The following CD109 variants were observed in gnomAD, a reference collection of about 807,000 sequenced individuals.
CD109 encodes CD109 molecule.
Under a neutral mutation model 165.8 loss-of-function variants are expected in CD109, and 149 were observed. That is an observed-to-expected ratio of 0.90 (90% CI 0.79 to 1.03). CD109 has a LOEUF of 1.03. Among genes scored for constraint, CD109 ranks in the 50% least tolerant of loss-of-function variants. The pLI is 0.00. For missense variants in CD109, 1,712 were observed against 1,677.8 expected (o/e 1.02, Z -0.36); for synonymous variants, 585 against 592.1 (o/e 0.99, Z 0.18).
intron 6 of CD109, among the ~76,000 whole-genome samples, chr6:73,757,780 A>G (rs1044015142): frequency 2.0e-5 from 3 of 152,256 alleles, no homozygotes; most frequent in Non-Finnish European, 4.4e-5. Context: ...AAATATAAAA[A>G]TTAATTTCAC....
At chr6:73,759,142 G>T in intron 7 of CD109, 114 bp downstream of exon 7, 1 of 662,954 alleles carries the variant, frequency 1.5e-6, no homozygotes, top group Non-Finnish European at 2.7e-6. Flanking sequence ...AAATACCTTA[G>T]TGGACAGTAA....
intron 2 of CD109, among the ~76,000 whole-genome samples, chr6:73,698,531 T>G (rs982025253): frequency 4.6e-5 from 7 of 152,088 alleles, no homozygotes; most frequent in African/African-American, 1.7e-4. Flanking sequence ...AAAAAAAAAT[T>G]TAAGGCACGT....
rs1350123008 is a variant in CD109, at chr6:73,815,092, C to T, written c.3880C>T (p.Leu1294Phe). 7.6e-6 allele frequency: 12 copies of T among 1,587,076 alleles called. No individual in the cohort carries two copies. The highest frequency in any genetic ancestry group is 1.4e-5 in the African/African-American group (1 of 72,798). Residue 1294 changes from leucine (L) to phenylalanine (F), a missense_variant, in exon 30 of 33, where the codon CTC becomes TTC. Leu to Phe is a conservative substitution (Grantham distance 22). Coordinates refer to ENST00000287097, the MANE Select transcript of CD109 (RefSeq NM_133493.5). ...TGCTGTAAAAGAAAATAAAGATGAT[C>T]TCAATCATGTGGATTTGAATGTGTG... ...DVAVKENKDD[L>F]NHVDLNVCTS... is the part of the protein sequence containing the mutation.
At chr6:73,709,958 A>G (rs1312449762) in intron 2 of CD109, among the ~76,000 whole-genome samples, 5 of 152,220 alleles carry the variant, frequency 3.3e-5, no homozygotes, top group African/African-American at 1.2e-4. Flanking sequence ...AATAAGAGCT[A>G]TTCATGACAA....
chr6:73,772,228 G>A (rs542450654), intron 15 of CD109, among the ~76,000 whole-genome samples: 4 of 152,144 alleles, frequency 2.6e-5, no homozygotes, highest in South Asian at 2.1e-4. Flanking sequence ...CCATTGTGCC[G>A]GGCATGGTGG....
intron 14 of CD109, among the ~76,000 whole-genome samples, chr6:73,768,844 G>A (rs1773940797): frequency 6.6e-6 from 1 of 152,150 alleles, no homozygotes; most frequent in African/African-American, 2.4e-5. Context: ...ATGTATATAA[G>A]AATGAGCCAT....
intron 29 of CD109, among the ~76,000 whole-genome samples, 189 bp from the exon 30 acceptor site, chr6:73,814,792 T>C (rs1775878332): frequency 6.6e-6 from 1 of 152,182 alleles, no homozygotes; most frequent in Non-Finnish European, 1.5e-5. Context: ...AACATAATTT[T>C]ATAAATTTTA....
Position 73,771,431 on chromosome 6 carries a change from A to G in CD109, c.1677A>G (p.Ile559Met), listed in dbSNP as rs1774029682. The G allele has an allele frequency of 1.3e-6, 2 of 1,599,316 alleles. No individual in the cohort carries two copies. Among genetic ancestry groups the G allele is most frequent in the South Asian group, 1.1e-5 (1 of 87,086 alleles). The change falls in exon 15 of 33, where the codon ATA becomes ATG. Residue 559 changes from isoleucine (I) to methionine (M), a missense_variant and splice_region_variant. Ile to Met is a conservative substitution (Grantham distance 10, BLOSUM62 1). Coordinates refer to ENST00000287097, the MANE Select transcript of CD109 (RefSeq NM_133493.5). ...IPVQLVFKNK[I>M]KLYWSKVKAE... ...ATCCTCCTTTCTCTCTTTTTTAGATAAAGCTATATTGGAGTAAAGTGAAAG... is the reference window on the plus strand; with the variant it reads ...ATCCTCCTTTCTCTCTTTTTTAGATGAAGCTATATTGGAGTAAAGTGAAAG...
chr6:73,779,405 C>T (rs566456278), intron 15 of CD109, among the ~76,000 whole-genome samples: 249 of 152,062 alleles, frequency 1.6e-3, no homozygotes, highest in African/African-American at 5.7e-3. Context: ...CCCACCACTA[C>T]GCCCAGCTAA....
In CD109 at chr6:73,765,994, T is replaced by C; in HGVS notation, c.1172T>C (p.Ile391Thr). ...GAAGAAAGAAGAAATAATGTAGTCA[T>C]AACAGTGACACAGAGAAACTATACT... ...TLEERRNNVV[I>T]TVTQRNYTEY... Residue 391 changes from isoleucine to threonine, a missense_variant, in exon 11 of 33, where the codon ATA (isoleucine) becomes ACA (threonine). Physicochemically the swap from Ile to Thr is moderately conservative, Grantham distance 89 (BLOSUM62 -1). Coordinates refer to ENST00000287097, the MANE Select transcript of CD109 (RefSeq NM_133493.5). 6.2e-7 allele frequency: 1 copy of C among 1,614,144 alleles called. No individual in the cohort carries two copies.
At chr6:73,743,392 A>G (rs1012079203) in intron 5 of CD109, among the ~76,000 whole-genome samples, 1 of 152,220 alleles carries the variant, frequency 6.6e-6, no homozygotes, top group African/African-American at 2.4e-5. Flanking sequence ...GTATAATGAA[A>G]CGGGTTATCA....
chr6:73,707,969 TA>T (rs1771353474), intron 2 of CD109, among the ~76,000 whole-genome samples: 2 of 2,428 alleles, frequency 8.2e-4, no homozygotes, highest in East Asian at 0.012. Context: ...TCTTTATATA[TA>T]TATATATATA....
At chr6:73,718,683 C>T (rs1022652180) in intron 2 of CD109, among the ~76,000 whole-genome samples, 1 of 151,546 alleles carries the variant, frequency 6.6e-6, no homozygotes. Flanking sequence ...TCTGTGTGAC[C>T]CTGGGAAAGT....
At chr6:73,715,518 T>A (rs1046145071) in intron 2 of CD109, among the ~76,000 whole-genome samples, 1 of 149,282 alleles carries the variant, frequency 6.7e-6, no homozygotes, top group Non-Finnish European at 1.5e-5. Flanking sequence ...TGAGCTATGA[T>A]TGCACCACTG....
chr6:73,751,920 A>G (rs929555241), intron 5 of CD109, among the ~76,000 whole-genome samples: 1 of 152,180 alleles, frequency 6.6e-6, no homozygotes, highest in African/African-American at 2.4e-5. Flanking sequence ...CAGGTCCTGC[A>G]TCCTTCACCT....
At chr6:73,732,596 G>A (rs1772405783) in intron 4 of CD109, among the ~76,000 whole-genome samples, 1 of 152,200 alleles carries the variant, frequency 6.6e-6, no homozygotes, top group Non-Finnish European at 1.5e-5. Context: ...ACAATAGATG[G>A]TTTAATAAAT....
chr6:73,748,997 G>A (rs778686446), intron 5 of CD109, among the ~76,000 whole-genome samples: 4 of 152,100 alleles, frequency 2.6e-5, no homozygotes, highest in Non-Finnish European at 4.4e-5. Flanking sequence ...GGAAAAATAG[G>A]GTATTACATG....
chr6:73,702,370 C>A (rs577093595), intron 2 of CD109, among the ~76,000 whole-genome samples: 18 of 152,248 alleles, frequency 1.2e-4, no homozygotes, highest in Admixed American at 9.2e-4. Flanking sequence ...CCTGAACATG[C>A]ATTTCATGCC....
intron 23 of CD109, among the ~76,000 whole-genome samples, chr6:73,795,620 G>A (rs1017799181): frequency 1.6e-4 from 25 of 152,110 alleles, no homozygotes; most frequent in African/African-American, 3.1e-4. Context: ...AAAAAGCATC[G>A]TTCTCTAAAT....
Sources: gnomAD v4.1 joint callset for allele counts (sites outside exome capture counted in the v4.1 genomes callset) on GRCh38, gnomAD v4.1.1 for gene constraint, MANE v1.5 for transcripts, NCBI Gene and HGNC (gene_info 2026-07-23, HGNC 2026-07-21) for gene names.